Variants in MTG1 observed in about 807,000 individuals in gnomAD.
MTG1 encodes the protein mitochondrial ribosome-associated GTPase 1.
MTG1 carries 30 observed loss-of-function variants against 39.5 expected under a neutral mutation model. The observed-to-expected ratio is 0.76, with a 90% CI of 0.57 to 1.03. The LOEUF (loss-of-function observed/expected upper bound fraction) is 1.03, where lower values mean the gene tolerates loss of function less well. Among genes scored for constraint, MTG1 ranks in the 50% least tolerant of loss-of-function variants. The probability of loss-of-function intolerance (pLI) is 0.00; values close to 1 mark genes in which losing one functional copy is unlikely to be tolerated. For missense variants in MTG1, 513 were observed against 447.4 expected, an observed-to-expected ratio of 1.15 and a Z score of -1.32; for synonymous variants, 217 against 179.0, an observed-to-expected ratio of 1.21 and a Z score of -1.69.
intron 9 of MTG1, among the ~76,000 whole-genome samples, chr10:133,415,988 C>CGCGGGTGTCGGCACGCGGGTGTCGGGCAG (rs1850123272): frequency 9.3e-6 from 1 of 107,786 alleles, no homozygotes. Context: ...GGTGTCGGCA[C>CGCGGGTGTCGGCACGCGGGTGTCGGGCAG]GCGGGTGTCG....
chr10:133,396,139 G>A (rs1849779800), intron 2 of MTG1, 24 bp from the exon 3 acceptor site: 1 of 1,609,506 alleles, frequency 6.2e-7, no homozygotes, highest in Non-Finnish European at 8.5e-7. Flanking sequence ...AGCTTTGGAG[G>A]AATTTTTACC....
intron 9 of MTG1, among the ~76,000 whole-genome samples, chr10:133,417,876 A>C (rs375083520): frequency 6.6e-6 from 1 of 152,184 alleles, no homozygotes; most frequent in African/African-American, 2.4e-5. Flanking sequence ...AATAAAAGAG[A>C]ATACAAACAA....
rs529684555 is a variant in MTG1, at chr10:133,418,489, CCT to C, written c.753-990_753-989del. Among the ~76,000 whole-genome samples the C allele has an allele frequency of 2.1e-3, 321 of 152,086 alleles. 3 individuals carry two copies. Among genetic ancestry groups the C allele is most frequent in the African/African-American group, 7.3e-3 (303 of 41,500 alleles). ...GCCTCCTCCAGGCTTGCTCCTCTCTCCTGGGACAGCTTTTTTGGAGCACCAGG... is the reference window on the plus strand; with the variant it reads ...GCCTCCTCCAGGCTTGCTCCTCTCTCGGGACAGCTTTTTTGGAGCACCAGG... On this transcript the variant is annotated intron_variant, in intron 9 of 10. Coordinates refer to ENST00000317502, the MANE Select transcript of MTG1 (RefSeq NM_138384.4).
At chr10:133,398,958 A>C (rs985482963) in intron 4 of MTG1, among the ~76,000 whole-genome samples, 4 of 152,102 alleles carry the variant, frequency 2.6e-5, no homozygotes, top group Non-Finnish European at 4.4e-5. Context: ...CCAACACCGG[A>C]TACTTGGTGT....
Position 133,402,548 on chromosome 10 carries a change from C to A in MTG1, c.671-144C>A. 1 of 797,130 alleles carries A rather than the reference C, an allele frequency of 1.3e-6. No individual in the cohort carries two copies. The allele number at this position is 797,130 out of a possible 1,614,324, so 49.4% of individuals were successfully genotyped here. ...GCCGGGACCACAGCCGAGTGCCGTC[C>A]TCTTGGTTAGTGTCTTTGTCAGTGG... On this transcript the variant is annotated intron_variant, in intron 8 of 10. Transcript: ENST00000317502. The surrounding 1 kb of genome is among the most constrained non-coding windows in gnomAD (Gnocchi z 4.7).
rs201542258 is a variant in MTG1 at position 133,399,265 on chromosome 10, G to T, written c.420+39G>T. On this transcript the variant is annotated intron_variant, in intron 5 of 10. Coordinates refer to ENST00000317502, the MANE Select transcript of MTG1 (RefSeq NM_138384.4). The stretch of plus-strand genomic sequence containing the variant: ...GCCCAGAGCTGGGAGTGGGAGGCGG[G>T]CGTGGGATGGGCCAGCCCCTCCTGC... 3.2e-5 allele frequency: 51 copies of T among 1,609,128 alleles called. No individual in the cohort carries two copies. In the East Asian group the frequency reaches 7.8e-4, roughly 25 times the overall value.
intron 10 of MTG1, 100 bp downstream of exon 10, chr10:133,419,692 G>A: frequency 2.0e-6 from 2 of 990,232 alleles, no homozygotes; most frequent in East Asian, 5.2e-5. Flanking sequence ...AACGTGTCAA[G>A]GAGCATGCGC....
chr10:133,400,430 C>T (rs898148601), intron 6 of MTG1, among the ~76,000 whole-genome samples: 7 of 152,310 alleles, frequency 4.6e-5, no homozygotes, highest in East Asian at 3.9e-4. Context: ...TTCACTGCCC[C>T]GTGGGCTCTT....
chr10:133,407,649 A>G (rs1589914877), intron 9 of MTG1, among the ~76,000 whole-genome samples: 1 of 151,432 alleles, frequency 6.6e-6, no homozygotes, highest in East Asian at 1.9e-4. Context: ...GCTCACCGCA[A>G]CCTCCGCTTC....
In MTG1 at chr10:133,399,159, G is replaced by A. The variant is rs775882062; in HGVS notation, c.364-11G>A. 6 of 1,614,190 alleles carry A rather than the reference G, an allele frequency of 3.7e-6. No individual in the cohort carries two copies. The highest frequency in any genetic ancestry group is 1.1e-5 in the South Asian group (1 of 91,082). ...ACCTGGGGTGGCTCCATGAGTGGGTGTTTGTTGCAGATCATCCCGATGGTC... is the reference window on the plus strand; with the variant it reads ...ACCTGGGGTGGCTCCATGAGTGGGTATTTGTTGCAGATCATCCCGATGGTC... On this transcript the variant is annotated splice_polypyrimidine_tract_variant and intron_variant, in intron 4 of 10. Transcript: ENST00000317502.
intron 7 of MTG1, 100 bp downstream of exon 7, chr10:133,401,690 C>T: frequency 1.8e-6 from 2 of 1,133,170 alleles, no homozygotes; most frequent in South Asian, 1.3e-5. Flanking sequence ...GACCACGCTT[C>T]CCTCCCCTCC....
chr10:133,394,954 T>G (rs1293911210), intron 1 of MTG1, among the ~76,000 whole-genome samples: 1 of 152,158 alleles, frequency 6.6e-6, no homozygotes, highest in Admixed American at 6.5e-5. Context: ...GTCCTCGGTC[T>G]TCGGATAACA....
chr10:133,394,748 A>C, intron 1 of MTG1: 1 of 1,003,588 alleles, frequency 1.0e-6, no homozygotes, highest in Non-Finnish European at 1.2e-6. Flanking sequence ...GCACCTGTTC[A>C]GTTTTAACTG....
chr10:133,419,364 C>G (rs1251872586), intron 9 of MTG1, 116 bp from the exon 10 acceptor site: 1 of 763,166 alleles, frequency 1.3e-6, no homozygotes, highest in African/African-American at 1.7e-5. Context: ...GTCACTGTCA[C>G]CCACAGGAGG....
intron 9 of MTG1, among the ~76,000 whole-genome samples, chr10:133,415,155 GGAAA>G (rs1241480604): frequency 6.0e-5 from 9 of 150,512 alleles, no homozygotes; most frequent in African/African-American, 2.2e-4. Context: ...GGGAGACCGT[GGAAA>G]GAGAGGGAGA....
At position 133,399,049 on chromosome 10, in the gene MTG1, T is replaced by C. The variant is rs1041039892; in HGVS notation, c.364-121T>C. 17 of 1,109,438 alleles carry C rather than the reference T, an allele frequency of 1.5e-5. No homozygotes were observed. The African/African-American group carries it at 2.0e-4, about 13-fold the overall frequency. 68.7% of individuals were successfully genotyped at this position (1,109,438 alleles called of 1,614,324 possible). Reference sequence around the variant, plus strand: ...TCCAGATAGGAGGTTTCTGTTTTCCTAACGGATATGTGAAAGTGGAGACAC... The same window carrying C: ...TCCAGATAGGAGGTTTCTGTTTTCCCAACGGATATGTGAAAGTGGAGACAC... On this transcript the variant is annotated intron_variant, in intron 4 of 10. Transcript: ENST00000317502.
chr10:133,409,932 G>A (rs759583563), intron 9 of MTG1, among the ~76,000 whole-genome samples: 1 of 150,022 alleles, frequency 6.7e-6, no homozygotes, highest in Admixed American at 6.6e-5. Flanking sequence ...TGTTTACATG[G>A]AATATGTTTT....
chr10:133,406,212 G>A (rs1296008881), intron 9 of MTG1, among the ~76,000 whole-genome samples: 1 of 152,074 alleles, frequency 6.6e-6, no homozygotes, highest in Non-Finnish European at 1.5e-5. Context: ...GAGTTGAATT[G>A]CTTATATAAT....
At position 133,398,521 on chromosome 10, in the gene MTG1, C is replaced by T; in HGVS notation, c.363+6C>T. The stretch of plus-strand genomic sequence containing the variant: ...AGGATGAAAATGTCAAGCAGGTAGG[C>T]TTTTCGTCTGTGCTCTCTCTGACGC... On this transcript the variant is annotated splice_donor_region_variant and intron_variant, in intron 4 of 10. Transcript: ENST00000317502. The T allele has an allele frequency of 6.2e-7, 1 of 1,612,742 alleles. No individual in the cohort carries two copies. The highest frequency in any genetic ancestry group is 2.2e-5 in the East Asian group (1 of 44,860).
Sources: allele counts gnomAD v4.1 joint callset (sites outside exome capture counted in the v4.1 genomes callset), GRCh38; gene constraint gnomAD v4.1.1; non-coding constraint Gnocchi (gnomAD v3.1); transcripts MANE v1.5; gene names NCBI Gene and HGNC (gene_info 2026-07-23, HGNC 2026-07-21).